The following IL12RB2 variants were observed in gnomAD, a reference collection of about 807,000 sequenced individuals.
The protein encoded by IL12RB2 is interleukin 12 receptor subunit beta 2, also known as interleukin-12 receptor subunit beta-2.
Under a neutral mutation model 89.4 loss-of-function variants are expected in IL12RB2, and 82 were observed. The observed-to-expected ratio is 0.92, with a 90% CI of 0.77 to 1.10. The LOEUF is 1.10. IL12RB2 is among the 50% of genes least tolerant of loss of function. The pLI is 0.00. For missense variants in IL12RB2, 963 were observed against 1,031.9 expected (o/e 0.93, Z 0.92); for synonymous variants, 368 against 370.1 (o/e 0.99, Z 0.07).
chr1:67,350,028 A>C (rs1345633857), intron 9 of IL12RB2, among the ~76,000 whole-genome samples: 3 of 152,212 alleles, frequency 2.0e-5, no homozygotes, highest in Non-Finnish European at 4.4e-5. Flanking sequence ...GTCTTTCAGC[A>C]AACACAGCCG....
intron 10 of IL12RB2, among the ~76,000 whole-genome samples, chr1:67,361,276 C>T (rs1435321412): frequency 6.6e-6 from 1 of 152,082 alleles, no homozygotes; most frequent in South Asian, 2.1e-4. Flanking sequence ...AACAAACAAA[C>T]AACAACAAAA....
At chr1:67,356,699 C>T (rs894398159) in intron 10 of IL12RB2, among the ~76,000 whole-genome samples, 5 of 152,120 alleles carry the variant, frequency 3.3e-5, no homozygotes, top group African/African-American at 1.2e-4. Context: ...CCTAAACATA[C>T]ATGGAGGACC....
intron 11 of IL12RB2, among the ~76,000 whole-genome samples, chr1:67,372,031 C>T (rs1035984382): frequency 6.6e-6 from 1 of 151,676 alleles, no homozygotes; most frequent in Non-Finnish European, 1.5e-5. Context: ...TTCTTGAAGG[C>T]AAGTTGTTTT....
intron 16 of IL12RB2, among the ~76,000 whole-genome samples, chr1:67,394,897 G>C (rs528087869): frequency 6.6e-6 from 1 of 152,328 alleles, no homozygotes; most frequent in African/African-American, 2.4e-5. Context: ...CCCCAAGACA[G>C]AAGCAGTCTC....
intron 13 of IL12RB2, among the ~76,000 whole-genome samples, chr1:67,376,145 T>C (rs571502335): frequency 6.6e-6 from 1 of 151,964 alleles, no homozygotes; most frequent in South Asian, 2.1e-4. Flanking sequence ...CGCGCCTGGC[T>C]GGCCAGCACA....
intron 10 of IL12RB2, among the ~76,000 whole-genome samples, chr1:67,365,282 T>C (rs1034079628): frequency 6.6e-6 from 1 of 151,552 alleles, no homozygotes; most frequent in African/African-American, 2.4e-5. Context: ...AAGCAAATAG[T>C]AATAATAAGA....
At chr1:67,383,928 C>T (rs545209538) in intron 14 of IL12RB2, among the ~76,000 whole-genome samples, 1 of 152,360 alleles carries the variant, frequency 6.6e-6, no homozygotes, top group East Asian at 1.9e-4. Flanking sequence ...TTGGGCAGCT[C>T]CACCTCTGTG....
intron 1 of IL12RB2, among the ~76,000 whole-genome samples, chr1:67,310,881 T>C (rs1315550937): frequency 6.6e-6 from 1 of 152,086 alleles, no homozygotes; most frequent in Non-Finnish European, 1.5e-5. Context: ...CACACCAGTA[T>C]GCCCAGCTAA....
chr1:67,358,037 A>C (rs1661588554), intron 10 of IL12RB2, among the ~76,000 whole-genome samples: 1 of 151,104 alleles, frequency 6.6e-6, no homozygotes, highest in African/African-American at 2.4e-5. Context: ...TCAGAGTGCT[A>C]AACTCAACAT....
intron 8 of IL12RB2, among the ~76,000 whole-genome samples, chr1:67,336,571 T>A (rs1279163762): frequency 6.6e-6 from 1 of 151,924 alleles, no homozygotes; most frequent in Non-Finnish European, 1.5e-5. Flanking sequence ...TAAATACTAC[T>A]GCAAAGGAGA....
At chr1:67,383,839 T>G (rs1369831473) in intron 14 of IL12RB2, among the ~76,000 whole-genome samples, 1 of 152,222 alleles carries the variant, frequency 6.6e-6, no homozygotes, top group Non-Finnish European at 1.5e-5. Context: ...ATTCAAAAAA[T>G]TGCAACCTCA....
chr1:67,326,053 A>C (rs11209050), intron 4 of IL12RB2, among the ~76,000 whole-genome samples: 104,164 of 152,098 alleles, frequency 0.68, 38,467 homozygotes, highest in Non-Finnish European at 0.81. Flanking sequence ...CTATGTACAC[A>C]AAAGAATTAA....
In IL12RB2 at chr1:67,395,544, C is replaced by G. The variant is rs1461749080; in HGVS notation, c.2047-3C>G. 1 of 1,614,092 alleles carries G rather than the reference C, an allele frequency of 6.2e-7. No individual in the cohort carries two copies. The highest frequency in any genetic ancestry group is 1.3e-5 in the African/African-American group (1 of 74,926). ...TGAGCCTCTTCCTCCTCCTTTCTCT[C>G]AGGAGAAGACACAGCTGCCCTTGGA... On this transcript the variant is annotated splice_polypyrimidine_tract_variant and splice_region_variant and intron_variant, in intron 16 of 16. Coordinates refer to ENST00000674203, the MANE Select transcript of IL12RB2 (RefSeq NM_001374259.2).
In IL12RB2 at chr1:67,397,596, C is replaced by T. The variant is rs140245705; in HGVS notation, c.*1507C>T. On this transcript the variant is annotated 3_prime_UTR_variant, in exon 17 of 17. Coordinates refer to ENST00000674203, the MANE Select transcript of IL12RB2 (RefSeq NM_001374259.2). ...GTTTTGCTCTTTAAAGCTGTGGCCCCTGGCTTGCCACCCTCCCTAGCCCAT... is the reference window on the plus strand; with the variant it reads ...GTTTTGCTCTTTAAAGCTGTGGCCCTTGGCTTGCCACCCTCCCTAGCCCAT... 5.8e-4 allele frequency among the ~76,000 whole-genome samples: 89 copies of T among 152,350 alleles called. No homozygotes were observed. The highest frequency in any genetic ancestry group is 1.9e-3 in the African/African-American group (79 of 41,582).
chr1:67,388,928 C>T (rs187576788), intron 15 of IL12RB2, among the ~76,000 whole-genome samples: 13 of 152,142 alleles, frequency 8.5e-5, no homozygotes, highest in Middle Eastern at 3.4e-3. Flanking sequence ...GATACTTCAA[C>T]GTGAAGCTCT....
intron 4 of IL12RB2, among the ~76,000 whole-genome samples, chr1:67,326,034 A>T (rs901420714): frequency 6.6e-6 from 1 of 152,194 alleles, no homozygotes; most frequent in Non-Finnish European, 1.5e-5. Context: ...CGTGGGAGGT[A>T]CTCAATGCCT....
Position 67,326,943 on chromosome 1 carries a change from TTTTATTTA to T in IL12RB2, c.479+122_479+129del, listed in dbSNP as rs549096467. 249 of 696,792 alleles carry T rather than the reference TTTTATTTA, an allele frequency of 3.6e-4. 1 individual carries two copies. Among genetic ancestry groups the T allele is most frequent in the South Asian group, 2.9e-3 (47 of 16,486 alleles). 43.2% of individuals were successfully genotyped at this position (696,792 alleles called of 1,614,324 possible). On this transcript the variant is annotated intron_variant, in intron 5 of 16. Coordinates refer to ENST00000674203, the MANE Select transcript of IL12RB2 (RefSeq NM_001374259.2). ...GTTTTCTTTATTTATTTTTATTTTATTTTATTTATTTATTTATTTATTTATTTATTTAT... is the reference window on the plus strand; with the variant it reads ...GTTTTCTTTATTTATTTTTATTTTATTTTATTTATTTATTTATTTATTTAT...
rs138643071 is a variant in IL12RB2 at position 67,395,262 on chromosome 1, C to T, written c.2047-285C>T. On this transcript the variant is annotated intron_variant, in intron 16 of 16. Coordinates refer to ENST00000674203, the MANE Select transcript of IL12RB2 (RefSeq NM_001374259.2). ...GAGCCTGGGTGACAGAAGGCGACTTCGTCTCAAGAAAAAAAAAAAAAAGAA... is the reference window on the plus strand; with the variant it reads ...GAGCCTGGGTGACAGAAGGCGACTTTGTCTCAAGAAAAAAAAAAAAAAGAA... Among the ~76,000 whole-genome samples the T allele has an allele frequency of 5.3e-5, 8 of 149,808 alleles. No homozygotes were observed. The East Asian group carries it at 1.2e-3, about 22-fold the overall frequency.
intron 8 of IL12RB2, among the ~76,000 whole-genome samples, chr1:67,335,136 A>G (rs1462204690): frequency 6.6e-6 from 1 of 152,250 alleles, no homozygotes; most frequent in East Asian, 1.9e-4. Flanking sequence ...GAAGAAGAGC[A>G]GAGATATCAA....
Sources: allele counts gnomAD v4.1 joint callset (sites outside exome capture counted in the v4.1 genomes callset), GRCh38; gene constraint gnomAD v4.1.1; transcripts MANE v1.5; gene names NCBI Gene and HGNC (gene_info 2026-07-23, HGNC 2026-07-21).